TMPRSS15: variants seen among roughly 807,000 people sequenced by gnomAD.
TMPRSS15 encodes the protein transmembrane serine protease 15.
In TMPRSS15, 128 loss-of-function variants were observed where a neutral mutation model predicts 125.3. The ratio of observed to expected loss-of-function variants is 1.02; its 90% CI spans 0.89 to 1.18. The LOEUF is 1.18. Ranked by LOEUF, TMPRSS15 falls within the 50% of genes most tolerant of loss-of-function variation. The pLI is 0.00. For missense variants in TMPRSS15, 1,283 were observed against 1,212.7 expected (o/e 1.06, Z -0.86); for synonymous variants, 446 against 423.2 (o/e 1.05, Z -0.66).
At chr21:18,407,448 CT>C (rs201740388), upstream of TMPRSS15, among the ~76,000 whole-genome samples, 999 of 133,132 alleles carry the variant, frequency 7.5e-3, 2 homozygotes, top group African/African-American at 0.02. Flanking sequence ...TTTTTCTTTT[CT>C]TTTTTTTTTT....
intron 3 of TMPRSS15, among the ~76,000 whole-genome samples, chr21:18,396,791 AATCTGTCTG>A (rs1406869100): frequency 1.0e-4 from 6 of 57,898 alleles, no homozygotes; most frequent in African/African-American, 3.8e-4. Context: ...AAAAAAAAAA[AATCTGTCTG>A]TCTGTCTGTC....
intron 7 of TMPRSS15, 113 bp from the exon 8 acceptor site, chr21:18,359,976 C>G (rs1167296739): frequency 1.7e-6 from 1 of 602,916 alleles, no homozygotes; most frequent in African/African-American, 1.9e-5. Context: ...AATATGATAT[C>G]TACTCTCTTA....
At chr21:18,282,101 A>C (rs373634919) in intron 21 of TMPRSS15, among the ~76,000 whole-genome samples, 8,677 of 122,868 alleles carry the variant, frequency 0.071, 43 homozygotes, top group Middle Eastern at 0.14. Context: ...CCGCCTCAAA[A>C]AAAAAAAAAA....
intron 1 of TMPRSS15, among the ~76,000 whole-genome samples, chr21:18,427,478 C>A (rs995480168): frequency 9.9e-5 from 15 of 152,140 alleles, no homozygotes; most frequent in Non-Finnish European, 4.4e-5. Context: ...GTAAACTCTC[C>A]TTTTGGTCTA....
chr21:18,354,870 T>C (rs2075609068), intron 8 of TMPRSS15, among the ~76,000 whole-genome samples: 1 of 151,870 alleles, frequency 6.6e-6, no homozygotes, highest in Non-Finnish European at 1.5e-5. Context: ...AATGAACCAC[T>C]GTGAAATAAC....
intron 8 of TMPRSS15, among the ~76,000 whole-genome samples, chr21:18,359,536 T>C (rs2075658798): frequency 6.8e-6 from 1 of 148,002 alleles, no homozygotes; most frequent in Non-Finnish European, 1.5e-5. Context: ...TTTTAAGATA[T>C]TAATTAGGAG....
intron 1 of TMPRSS15, among the ~76,000 whole-genome samples, chr21:18,412,408 A>C (rs2300514): frequency 6.6e-6 from 1 of 152,024 alleles, no homozygotes; most frequent in East Asian, 1.9e-4. Context: ...TTTCTTTTCT[A>C]AGCGAAAGAA....
In TMPRSS15 at chr21:18,336,951, A is replaced by G. The variant is rs1454715953; in HGVS notation, c.1564+4462T>C. Among the ~76,000 whole-genome samples, 11 of 152,366 alleles carry G rather than the reference A, an allele frequency of 7.2e-5. No homozygotes were observed. In the South Asian group the frequency reaches 1.4e-3, roughly 20 times the overall value. Reference sequence around the variant, plus strand: ...TGGCCATCAATTTCAAGAGAGGTAGAGAGGTAGACAGGTACTGATTGATTC... The same window carrying G: ...TGGCCATCAATTTCAAGAGAGGTAGGGAGGTAGACAGGTACTGATTGATTC... On this transcript the variant is annotated intron_variant, in intron 13 of 24. Transcript: ENST00000284885.
At chr21:18,322,991 T>C (rs1485814486) in intron 16 of TMPRSS15, among the ~76,000 whole-genome samples, 1 of 152,194 alleles carries the variant, frequency 6.6e-6, no homozygotes, top group East Asian at 1.9e-4. Context: ...ATATACTCCA[T>C]AAACATGTGT....
At chr21:18,314,731 G>T (rs1489338620) in intron 17 of TMPRSS15, among the ~76,000 whole-genome samples, 3 of 152,162 alleles carry the variant, frequency 2.0e-5, no homozygotes, top group African/African-American at 4.8e-5. Context: ...AGGGGAGCTG[G>T]AATGAAAACT....
At chr21:18,455,326 A>T (rs140799701) in intron 1 of TMPRSS15, among the ~76,000 whole-genome samples, 40 of 152,296 alleles carry the variant, frequency 2.6e-4, no homozygotes, top group African/African-American at 9.6e-4. Context: ...GGCATAGGAG[A>T]TAGACAAATT....
chr21:18,396,846 CT>C (rs113344401), intron 3 of TMPRSS15, among the ~76,000 whole-genome samples: 9,971 of 142,612 alleles, frequency 0.07, 494 homozygotes, highest in South Asian at 0.11. Flanking sequence ...ATCTATCTAT[CT>C]ATCTTAAGTC....
chr21:18,418,580 A>G (rs1048498673), intron 1 of TMPRSS15, among the ~76,000 whole-genome samples: 2 of 151,964 alleles, frequency 1.3e-5, no homozygotes, highest in Non-Finnish European at 2.9e-5. Flanking sequence ...TACCCCCCCA[A>G]TCATCTTTTA....
intron 3 of TMPRSS15, among the ~76,000 whole-genome samples, chr21:18,391,525 G>C (rs1260360475): frequency 6.6e-6 from 1 of 152,210 alleles, no homozygotes; most frequent in East Asian, 1.9e-4. Context: ...TAATGCAAGG[G>C]GTGGGCTCTG....
intron 3 of TMPRSS15, among the ~76,000 whole-genome samples, chr21:18,393,726 T>A (rs1569053549): frequency 6.6e-6 from 1 of 152,188 alleles, no homozygotes; most frequent in Non-Finnish European, 1.5e-5. Context: ...ACCTTAATCA[T>A]CACATAAATT....
chr21:18,347,715 C>G (rs8126674), intron 10 of TMPRSS15, among the ~76,000 whole-genome samples: 1 of 152,262 alleles, frequency 6.6e-6, no homozygotes, highest in African/African-American at 2.4e-5. Flanking sequence ...AAAGGAACAA[C>G]TGAAGAGATT....
At chr21:18,405,803 A>G (rs887179791), upstream of TMPRSS15, among the ~76,000 whole-genome samples, 2 of 152,208 alleles carry the variant, frequency 1.3e-5, no homozygotes, top group Non-Finnish European at 2.9e-5. Flanking sequence ...AAAATATAGA[A>G]GAATGTCTTT....
At chr21:18,436,408 G>A (rs954524864) in intron 1 of TMPRSS15, among the ~76,000 whole-genome samples, 1 of 152,086 alleles carries the variant, frequency 6.6e-6, no homozygotes, top group Non-Finnish European at 1.5e-5. Context: ...TCATTCAGGA[G>A]CAGGTTGTTC....
intron 21 of TMPRSS15, among the ~76,000 whole-genome samples, chr21:18,281,532 C>T (rs1036575696): frequency 2.0e-5 from 3 of 152,092 alleles, no homozygotes; most frequent in Non-Finnish European, 4.4e-5. Context: ...ATGCTGACAC[C>T]TACTTCCCCT....
Sources: allele counts gnomAD v4.1 joint callset (sites outside exome capture counted in the v4.1 genomes callset), GRCh38; gene constraint gnomAD v4.1.1; transcripts MANE v1.5; gene names NCBI Gene and HGNC (gene_info 2026-07-23, HGNC 2026-07-21).